The following STK32B variants were observed in gnomAD, a reference collection of about 807,000 sequenced individuals.
STK32B encodes the protein serine/threonine kinase 32B, also known as serine/threonine-protein kinase 32B.
In STK32B, 43 loss-of-function variants were observed where a neutral mutation model predicts 52.6. That is an observed-to-expected ratio of 0.82 (90% CI 0.64 to 1.05). The LOEUF (loss-of-function observed/expected upper bound fraction) is 1.05. Among genes scored for constraint, STK32B ranks in the 50% least tolerant of loss-of-function variants. STK32B has a pLI of 0.00. For synonymous variants in STK32B, 238 were observed against 204.3 expected (o/e 1.17, Z -1.41); for missense variants, 621 against 534.6 (o/e 1.16, Z -1.59).
At chr4:5,141,340 A>G (rs1294287819) in intron 2 of STK32B, among the ~76,000 whole-genome samples, 3 of 152,228 alleles carry the variant, frequency 2.0e-5, no homozygotes, top group African/African-American at 7.2e-5. Flanking sequence ...GGCAAGTTCC[A>G]GGCAGAGGGA....
upstream of STK32B, among the ~76,000 whole-genome samples, chr4:5,048,506 A>T (rs1741659547): frequency 1.3e-5 from 2 of 152,136 alleles, no homozygotes; most frequent in South Asian, 4.1e-4. Context: ...CGTGTTGGCT[A>T]AGCTGGTCTC....
rs1018769424 is a variant in STK32B at position 5,386,174 on chromosome 4, G to T, written c.435-12033G>T. On this transcript the variant is annotated intron_variant, in intron 4 of 11. Coordinates refer to ENST00000282908, the MANE Select transcript of STK32B (RefSeq NM_018401.3). This position sits in a 1 kb window ranked among gnomAD's most constrained non-coding sequence, Gnocchi z 4.5. ...CTCCCTGGACTCTTCCCAGCCGTCT[G>T]TCTCTCACACAGCACCCTCACTCTC... 5.3e-5 allele frequency among the ~76,000 whole-genome samples: 8 copies of T among 151,926 alleles called. No individual in the cohort carries two copies. The highest frequency in any genetic ancestry group is 4.2e-4 in the South Asian group (2 of 4,804).
At chr4:5,185,686 A>G (rs141068509) in intron 3 of STK32B, among the ~76,000 whole-genome samples, 15 of 152,252 alleles carry the variant, frequency 9.9e-5, no homozygotes, top group African/African-American at 3.6e-4. Context: ...ATAGGCTCCT[A>G]ACTACTGTTT....
intron 1 of STK32B, among the ~76,000 whole-genome samples, chr4:5,059,646 C>T (rs13123412): frequency 0.35 from 52,504 of 151,962 alleles, 9,905 homozygotes; most frequent in Middle Eastern, 0.48. Flanking sequence ...ATAAACCGTA[C>T]GCCAATACAT....
intron 1 of STK32B, among the ~76,000 whole-genome samples, chr4:5,105,886 CTAATGAATTAATTTTTCCT>C (rs1279557068): frequency 6.6e-6 from 1 of 151,806 alleles, no homozygotes; most frequent in Non-Finnish European, 1.5e-5. Context: ...TTAAGTCAAT[CTAATGAATTAATTTTTCCT>C]TAATGATTGC....
intron 3 of STK32B, among the ~76,000 whole-genome samples, chr4:5,330,016 A>C (rs1163263649): frequency 6.6e-6 from 1 of 152,288 alleles, no homozygotes; most frequent in African/African-American, 2.4e-5. Context: ...TGGGTGCATT[A>C]CAGCAACATC....
chr4:5,457,947 GGAAGGAAGGAAGGAAAGGAAA>G (rs899250019), intron 8 of STK32B, among the ~76,000 whole-genome samples: 5 of 151,194 alleles, frequency 3.3e-5, no homozygotes, highest in Admixed American at 6.6e-5. Flanking sequence ...AGGGAAGGAA[GGAAGGAAGGAAGGAAAGGAAA>G]GAAGGAAGGA....
intron 6 of STK32B, among the ~76,000 whole-genome samples, chr4:5,444,376 C>A (rs970140735): frequency 6.6e-6 from 1 of 152,212 alleles, no homozygotes; most frequent in Non-Finnish European, 1.5e-5. Context: ...AGGTGCCGTC[C>A]GTCACCCCTT....
chr4:5,287,713 A>T (rs538137008), intron 3 of STK32B, among the ~76,000 whole-genome samples: 4 of 152,182 alleles, frequency 2.6e-5, no homozygotes, highest in African/African-American at 9.6e-5. Flanking sequence ...AAATGGTAGT[A>T]TATTAAACAT....
intron 11 of STK32B, among the ~76,000 whole-genome samples, chr4:5,480,856 G>C (rs1577574090): frequency 6.6e-6 from 1 of 152,104 alleles, no homozygotes; most frequent in East Asian, 1.9e-4. Flanking sequence ...CCTTGCGATA[G>C]TTTGCTGAGA....
At chr4:5,291,010 G>A (rs1299679848) in intron 3 of STK32B, among the ~76,000 whole-genome samples, 1 of 152,100 alleles carries the variant, frequency 6.6e-6, no homozygotes, top group Non-Finnish European at 1.5e-5. Context: ...TCATAAAGAT[G>A]TTTGTGTCTG....
At chr4:5,334,004 T>C (rs553500498) in intron 4 of STK32B, among the ~76,000 whole-genome samples, 102 of 152,320 alleles carry the variant, frequency 6.7e-4, no homozygotes, top group Middle Eastern at 3.4e-3. Context: ...TTTTTTCCAA[T>C]TCTGTGAAGA....
chr4:5,475,158 A>G lies in STK32B; in HGVS notation c.1106+7088A>G, dbSNP rs111458080. Among the ~76,000 whole-genome samples, 641 of 152,262 alleles carry G rather than the reference A, an allele frequency of 4.2e-3. 3 individuals carry two copies. Among genetic ancestry groups the G allele is most frequent in the African/African-American group, 0.015 (617 of 41,534 alleles). On this transcript the variant is annotated intron_variant, in intron 11 of 11. Coordinates refer to ENST00000282908, the MANE Select transcript of STK32B (RefSeq NM_018401.3). Reference sequence around the variant, plus strand: ...AAAGTGTGGCCAGGCACGGTGGCTCACACCTGTAATCCTAGCACTTTGGGA... The same window carrying G: ...AAAGTGTGGCCAGGCACGGTGGCTCGCACCTGTAATCCTAGCACTTTGGGA...
intron 7 of STK32B, among the ~76,000 whole-genome samples, chr4:5,448,237 G>C (rs1327787815): frequency 2.0e-5 from 3 of 152,214 alleles, no homozygotes; most frequent in African/African-American, 7.2e-5. Context: ...GAAAATATGA[G>C]CTTGTTCACT....
intron 4 of STK32B, among the ~76,000 whole-genome samples, chr4:5,334,311 T>C (rs568288911): frequency 6.6e-6 from 1 of 151,940 alleles, no homozygotes; most frequent in African/African-American, 2.4e-5. Context: ...TGCTTGTGAT[T>C]TTTATACATT....
intron 1 of STK32B, among the ~76,000 whole-genome samples, chr4:5,132,054 C>T (rs1715807921): frequency 6.6e-6 from 1 of 152,120 alleles, no homozygotes; most frequent in African/African-American, 2.4e-5. Flanking sequence ...TGTTAGTTTG[C>T]ATGGGGTAAT....
intron 3 of STK32B, among the ~76,000 whole-genome samples, chr4:5,228,000 G>A (rs1723989031): frequency 6.6e-6 from 1 of 152,082 alleles, no homozygotes; most frequent in East Asian, 1.9e-4. Context: ...TGGAATAAAT[G>A]AGATCCAGTA....
intron 3 of STK32B, among the ~76,000 whole-genome samples, chr4:5,310,376 A>G (rs1730214177): frequency 6.6e-6 from 1 of 152,196 alleles, no homozygotes; most frequent in Non-Finnish European, 1.5e-5. Flanking sequence ...AAAAATGGCA[A>G]ATGAACTTAA....
At chr4:5,488,334 T>G (rs1560456494) in intron 11 of STK32B, among the ~76,000 whole-genome samples, 1 of 152,160 alleles carries the variant, frequency 6.6e-6, no homozygotes, top group Non-Finnish European at 1.5e-5. Context: ...TTTTATGGTG[T>G]AATGGTGAGC....
Sources: gnomAD v4.1 joint callset for allele counts (sites outside exome capture counted in the v4.1 genomes callset) on GRCh38, gnomAD v4.1.1 for gene constraint, Gnocchi (gnomAD v3.1) non-coding constraint, MANE v1.5 for transcripts, NCBI Gene and HGNC (gene_info 2026-07-23, HGNC 2026-07-21) for gene names.